Variants in CD209 observed in about 807,000 individuals in gnomAD.
The protein encoded by CD209 is CD209 antigen.
CD209 carries 31 observed loss-of-function variants against 44.7 expected under a neutral mutation model. The ratio of observed to expected loss-of-function variants is 0.69; its 90% CI spans 0.52 to 0.94. CD209 has a LOEUF of 0.94. CD209 is among the 40% of genes least tolerant of loss of function. The probability of loss-of-function intolerance (pLI) is 0.00; values close to 1 mark genes in which losing one functional copy is unlikely to be tolerated. For missense variants in CD209, 407 were observed against 452.4 expected (o/e 0.90, Z 0.91); for synonymous variants, 173 against 181.3 (o/e 0.95, Z 0.37).
chr19:7,740,948 T>C lies in CD209; in HGVS notation c.*2091A>G. 1.4e-6 allele frequency: 1 copy of C among 716,344 alleles called. No individual in the cohort carries two copies. The highest frequency in any genetic ancestry group is 2.5e-6 in the Non-Finnish European group (1 of 392,950). 44.4% of individuals were successfully genotyped at this position (716,344 alleles called of 1,614,324 possible). ...TTCAGAGTCATGGAGAAGGATGGAG[T>C]TAATTGTCCCTTCTACAGTAAAACA... On this transcript the variant is annotated 3_prime_UTR_variant, in exon 7 of 7. Coordinates refer to ENST00000315599, the MANE Select transcript of CD209 (RefSeq NM_021155.4).
At position 7,743,159 on chromosome 19, in the gene CD209, G is replaced by C; in HGVS notation, c.1095C>G (p.Asn365Lys). The C allele has an allele frequency of 6.2e-7, 1 of 1,614,092 alleles. No individual in the cohort carries two copies. The highest frequency in any genetic ancestry group is 8.5e-7 in the Non-Finnish European group (1 of 1,179,966). The change falls in exon 7 of 7, where the codon AAC (asparagine) becomes AAG (lysine). Residue 365 changes from asparagine to lysine, a missense_variant. Physicochemically the swap from Asn to Lys is moderately conservative, Grantham distance 94 (BLOSUM62 0). Coordinates refer to ENST00000315599, the MANE Select transcript of CD209 (RefSeq NM_021155.4). ...DCAEFSGNGWNDDKCNLAKFW... is the reference protein window; with the variant it reads ...DCAEFSGNGWKDDKCNLAKFW... ...ATTTGGCAAGATTACATTTGTCGTC[G>C]TTCCAGCCATTGCCACTAAATTCCG...
At position 7,746,141 on chromosome 19, in the gene CD209, G is replaced by A. The variant is rs559240864; in HGVS notation, c.179-54C>T. On this transcript the variant is annotated intron_variant, in intron 3 of 6. Coordinates refer to ENST00000315599, the MANE Select transcript of CD209 (RefSeq NM_021155.4). ...TTATTAAACACCTACTGTGTGCCAA[G>A]CCTTGAACTGAGCCCCATAGGGACA... is the stretch of plus-strand genomic sequence containing the variant. The A allele has an allele frequency of 2.3e-4, 367 of 1,604,964 alleles. 5 individuals are homozygous for A. The South Asian group carries it at 3.9e-3, about 17-fold the overall frequency.
Position 7,742,774 on chromosome 19 carries a change from C to T in CD209, c.*265G>A. On this transcript the variant is annotated 3_prime_UTR_variant, in exon 7 of 7. Transcript: ENST00000315599. ...AGCTACACATGGCAACCCAAATATC[C>T]TAATCTCCAAAAGGAAGAGAGAGTG... is the stretch of plus-strand genomic sequence containing the variant. The T allele has an allele frequency of 1.5e-5, 8 of 538,538 alleles. No individual in the cohort carries two copies. In the South Asian group the frequency reaches 1.8e-4, roughly 12 times the overall value. The allele number at this position is 538,538 out of a possible 1,614,324, so 33.4% of individuals were successfully genotyped here. A position where few individuals can be genotyped will look rare whatever the true frequency, so the allele number is the denominator to read the frequency against.
chr19:7,745,231 C>A, intron 4 of CD209, 139 bp from the exon 5 acceptor site: 1 of 1,232,400 alleles, frequency 8.1e-7, no homozygotes, highest in East Asian at 2.5e-5. Context: ...CCCCACTTCC[C>A]GAGACCCTCC....
chr19:7,741,729 A>T lies in CD209; in HGVS notation c.*1310T>A. 1 of 627,226 alleles carries T rather than the reference A, an allele frequency of 1.6e-6. No individual in the cohort carries two copies. Among genetic ancestry groups the T allele is most frequent in the South Asian group, 1.4e-5 (1 of 71,566 alleles). The allele number at this position is 627,226 out of a possible 1,614,324, so 38.9% of individuals were successfully genotyped here. A position where few individuals can be genotyped will look rare whatever the true frequency, so the allele number is the denominator to read the frequency against. On this transcript the variant is annotated 3_prime_UTR_variant, in exon 7 of 7. Coordinates refer to ENST00000315599, the MANE Select transcript of CD209 (RefSeq NM_021155.4). ...ATGATTTGTGGTTTATTTGAAATAC[A>T]ACAATGTCCAAGAGGAAAACACTGC...
At chr19:7,746,159 T>G (rs1399326829) in intron 3 of CD209, 72 bp from the exon 4 acceptor site, 1 of 1,581,976 alleles carries the variant, frequency 6.3e-7, no homozygotes, top group African/African-American at 1.4e-5. Flanking sequence ...CTGAGCCCCA[T>G]AGGGACATCA....
At position 7,745,995 on chromosome 19, in the gene CD209, G is replaced by A; in HGVS notation, c.271C>T (p.Leu91Phe). Residue 91 changes from leucine (L) to phenylalanine (F), a missense_variant, in exon 4 of 7, where the codon CTC becomes TTC. Physicochemically the swap from Leu to Phe is conservative, Grantham distance 22. This residue lies in a region of CD209 where 122 missense variants were observed against 110.3 expected (regional missense o/e 1.11). Coordinates refer to ENST00000315599, the MANE Select transcript of CD209 (RefSeq NM_021155.4). ...LTQLKAAVGE[L>F]SEKSKLQEIY... ...TCCTGCAGCTTGGATTTCTCTGAGA[G>A]CTCACCCACTGCAGCTTTAAGCTGG... 1 of 1,614,228 alleles carries A rather than the reference G, an allele frequency of 6.2e-7. No homozygotes were observed.
chr19:7,741,287 T>G lies in CD209; in HGVS notation c.*1752A>C. ...GAGATCGAGACCATCCTGGTCAACATGTTGAAACCCCGTCTCTACCAAAAA... is the reference window on the plus strand; with the variant it reads ...GAGATCGAGACCATCCTGGTCAACAGGTTGAAACCCCGTCTCTACCAAAAA... On this transcript the variant is annotated 3_prime_UTR_variant, in exon 7 of 7. Coordinates refer to ENST00000315599, the MANE Select transcript of CD209 (RefSeq NM_021155.4). 2.4e-6 allele frequency: 1 copy of G among 413,770 alleles called. No individual in the cohort carries two copies. The highest frequency in any genetic ancestry group is 3.9e-4 in the Middle Eastern group (1 of 2,542). The allele number at this position is 413,770 out of a possible 1,614,324, so 25.6% of individuals were successfully genotyped here.
intron 2 of CD209, 125 bp from the exon 3 acceptor site, chr19:7,746,656 A>T (rs1008492646): frequency 9.5e-5 from 84 of 883,828 alleles, no homozygotes; most frequent in Non-Finnish European, 1.4e-4. Flanking sequence ...CTCCACTCCA[A>T]CACCTGGGAA....
chr19:7,747,145 G>T (rs746867226), intron 2 of CD209, among the ~76,000 whole-genome samples, 161 bp downstream of exon 2: 1 of 151,616 alleles, frequency 6.6e-6, no homozygotes, highest in Non-Finnish European at 1.5e-5. Flanking sequence ...CAGGAACCAG[G>T]AATTCAGGCC....
chr19:7,747,235 G>A (rs544259737), intron 2 of CD209, 71 bp downstream of exon 2: 42 of 1,514,026 alleles, frequency 2.8e-5, no homozygotes, highest in Middle Eastern at 1.7e-4. Flanking sequence ...AGGCCCCAGC[G>A]TCCAGCTCCT....
chr19:7,747,197 G>A, intron 2 of CD209, 109 bp downstream of exon 2: 2 of 1,126,834 alleles, frequency 1.8e-6, no homozygotes, highest in Non-Finnish European at 1.3e-6. Context: ...CAGGCCCCTA[G>A]CCCCACATCC....
At position 7,746,517 on chromosome 19, in the gene CD209, C is replaced by A. The variant is rs930555341; in HGVS notation, c.121G>T (p.Gly41Cys). The A allele has an allele frequency of 1.2e-6, 2 of 1,613,836 alleles. No individual in the cohort carries two copies. The highest frequency in any genetic ancestry group is 1.7e-6 in the Non-Finnish European group (2 of 1,179,814). The change falls in exon 3 of 7, where the codon GGT (glycine) becomes TGT (cysteine). Residue 41 changes from glycine (G) to cysteine (C), a missense_variant. By Grantham distance (159) the Gly-to-Cys change is radical (BLOSUM62 -3). Transcript: ENST00000315599. ...YKSLAGCLGH[G>C]PLVLQLLSFT... ...GAGAGGAGTTGCAGCACCAGGGGAC[C>A]ATGGCCAAGACACCCTGAGAGAGGA... is the stretch of plus-strand genomic sequence containing the variant.
At chr19:7,746,402 G>C in intron 3 of CD209, 58 bp downstream of exon 3, 1 of 1,566,018 alleles carries the variant, frequency 6.4e-7, no homozygotes, top group Non-Finnish European at 8.8e-7. Flanking sequence ...GCCCCAGGCT[G>C]TGTCCACAGC....
chr19:7,745,019 C>A lies in CD209; in HGVS notation c.822G>T (p.Gln274His), dbSNP rs1044922825. The A allele has an allele frequency of 6.2e-6, 10 of 1,614,238 alleles. No homozygotes were observed. The highest frequency in any genetic ancestry group is 7.6e-6 in the Non-Finnish European group (9 of 1,180,052). Residue 274 changes from glutamine (Q) to histidine (H), a missense_variant, in exon 5 of 7, where the codon CAG becomes CAT. Transcript: ENST00000315599. ...CGGTGATGGAGTCGTGCCAGTTCCG[C>A]TGGGAGTTAGACATGAAGTAACAGT... ...QGNCYFMSNS[Q>H]RNWHDSITAC...
Position 7,745,788 on chromosome 19 carries a change from G to A in CD209, c.478C>T (p.Leu160Phe), listed in dbSNP as rs145999419. 1,164 of 1,606,576 alleles carry A rather than the reference G, an allele frequency of 7.2e-4. 14 individuals carry two copies. Among genetic ancestry groups the A allele is most frequent in the Middle Eastern group, 1.8e-4 (1 of 5,644 alleles). ...TCCTGCATCTTAGATTTCTCTGGAA[G>A]CTCACCCACTGCAGCCTTCAGCCAG... ...LTWLKAAVGELPEKSKMQEIY... is the reference protein window; with the variant it reads ...LTWLKAAVGEFPEKSKMQEIY... Residue 160 changes from leucine (L) to phenylalanine (F), a missense_variant, in exon 4 of 7, where the codon CTT (leucine) becomes TTT (phenylalanine). Coordinates refer to ENST00000315599, the MANE Select transcript of CD209 (RefSeq NM_021155.4).
In CD209 at chr19:7,741,249, A is replaced by G; in HGVS notation, c.*1790T>C. On this transcript the variant is annotated 3_prime_UTR_variant, in exon 7 of 7. Transcript: ENST00000315599. The stretch of plus-strand genomic sequence containing the variant: ...CACTTTGGGAGGACGCGGCGGGCGA[A>G]TCACGAGGTCAAGAGATCGAGACCA... 2.0e-6 allele frequency: 1 copy of G among 490,762 alleles called. No homozygotes were observed. The allele number at this position is 490,762 out of a possible 1,614,324, so 30.4% of individuals were successfully genotyped here.
chr19:7,743,812 A>G (rs2033700216), intron 6 of CD209, among the ~76,000 whole-genome samples: 2 of 151,984 alleles, frequency 1.3e-5, no homozygotes, highest in African/African-American at 4.8e-5. Flanking sequence ...GCTATTCACA[A>G]TGGCAGGTGT....
At position 7,742,908 on chromosome 19, in the gene CD209, A is replaced by G; in HGVS notation, c.*131T>C. 2 of 765,034 alleles carry G rather than the reference A, an allele frequency of 2.6e-6. No individual in the cohort carries two copies. Among genetic ancestry groups the G allele is most frequent in the Admixed American group, 4.7e-5 (2 of 42,158 alleles). The allele number at this position is 765,034 out of a possible 1,614,324, so 47.4% of individuals were successfully genotyped here. ...CTCTACACCAGGGGAAATTGGAGGCATGACAAGAAGGACAGAATGGGACCC... is the reference window on the plus strand; with the variant it reads ...CTCTACACCAGGGGAAATTGGAGGCGTGACAAGAAGGACAGAATGGGACCC... On this transcript the variant is annotated 3_prime_UTR_variant, in exon 7 of 7. Coordinates refer to ENST00000315599, the MANE Select transcript of CD209 (RefSeq NM_021155.4).
Sources: allele counts gnomAD v4.1 joint callset (sites outside exome capture counted in the v4.1 genomes callset), GRCh38; gene constraint gnomAD v4.1.1; regional missense constraint gnomAD v4.1.1; transcripts MANE v1.5; gene names NCBI Gene and HGNC (gene_info 2026-07-23, HGNC 2026-07-21).